The following CPLX2 variants were observed in gnomAD, a reference collection of about 807,000 sequenced individuals.
CPLX2 encodes complexin-2.
A neutral mutation model predicts 16.3 loss-of-function variants in CPLX2; 5 were observed. That is an observed-to-expected ratio of 0.31 (90% CI 0.16 to 0.64). The LOEUF (loss-of-function observed/expected upper bound fraction) is 0.64. Ranked by LOEUF, CPLX2 falls within the 30% of genes least tolerant of loss-of-function variation. The pLI is 0.79. For missense variants in CPLX2, 144 were observed against 181.4 expected (o/e 0.79, Z 1.18); for synonymous variants, 89 against 73.2 (o/e 1.22, Z -1.10).
intron 1 of CPLX2, among the ~76,000 whole-genome samples, chr5:175,799,548 A>ATTTATATATATT (rs33953622): frequency 0.22 from 26,996 of 125,250 alleles, 3,936 homozygotes; most frequent in East Asian, 0.39. Flanking sequence ...TCATATATAT[A>ATTTATATATATT]TATATATATA....
intron 2 of CPLX2, among the ~76,000 whole-genome samples, chr5:175,833,204 C>T (rs376916383): frequency 2.0e-5 from 3 of 151,366 alleles, no homozygotes; most frequent in East Asian, 3.9e-4. Flanking sequence ...AAGGATTAAT[C>T]TGCATTGCAT....
intron 2 of CPLX2, among the ~76,000 whole-genome samples, chr5:175,863,305 T>C (rs979936988): frequency 3.3e-5 from 5 of 152,200 alleles, no homozygotes; most frequent in Admixed American, 3.3e-4. Flanking sequence ...CTAGTTGCCT[T>C]GAAGCTGCAG....
intron 2 of CPLX2, among the ~76,000 whole-genome samples, chr5:175,838,416 C>T (rs992790896): frequency 2.0e-5 from 3 of 152,074 alleles, no homozygotes; most frequent in African/African-American, 4.8e-5. Flanking sequence ...TACAGGCGCC[C>T]ACCACCAAGC....
At chr5:175,800,660 C>G (rs1276519072) in intron 1 of CPLX2, among the ~76,000 whole-genome samples, 1 of 152,112 alleles carries the variant, frequency 6.6e-6, no homozygotes, top group Admixed American at 6.5e-5. Context: ...TATGTAAGAT[C>G]CCAAAGGGAC....
chr5:175,850,333 A>G (rs1401685442), intron 2 of CPLX2, among the ~76,000 whole-genome samples: 1 of 152,162 alleles, frequency 6.6e-6, no homozygotes, highest in Non-Finnish European at 1.5e-5. Context: ...GGCTGTATGG[A>G]AAACGCAAGT....
intron 2 of CPLX2, among the ~76,000 whole-genome samples, chr5:175,855,538 T>C (rs1207220156): frequency 7.2e-6 from 1 of 139,646 alleles, no homozygotes; most frequent in African/African-American, 2.7e-5. Flanking sequence ...AAGGGCTTGA[T>C]CCAGGAGCTC....
At chr5:175,837,163 AAGGTCAC>A (rs776273067) in intron 2 of CPLX2, among the ~76,000 whole-genome samples, 1 of 152,186 alleles carries the variant, frequency 6.6e-6, no homozygotes, top group Non-Finnish European at 1.5e-5. Flanking sequence ...TGACCTGGTC[AAGGTCAC>A]AGGGCTAGGA....
intron 1 of CPLX2, among the ~76,000 whole-genome samples, chr5:175,798,504 G>A (rs1310469189): frequency 3.3e-5 from 5 of 152,216 alleles, no homozygotes; most frequent in Non-Finnish European, 7.4e-5. Context: ...CAGGAGTCAC[G>A]AACTGTAAGG....
chr5:175,802,013 C>T (rs187269367), intron 1 of CPLX2, among the ~76,000 whole-genome samples: 249 of 152,320 alleles, frequency 1.6e-3, no homozygotes, highest in Middle Eastern at 3.4e-3. Flanking sequence ...AGCTCCTCCA[C>T]TGAGTTAACA....
At chr5:175,797,288 C>G (rs368465650) in intron 1 of CPLX2, among the ~76,000 whole-genome samples, 1 of 152,186 alleles carries the variant, frequency 6.6e-6, no homozygotes, top group Non-Finnish European at 1.5e-5. Context: ...GAGGTGTCAC[C>G]GGCGAGCTAG....
chr5:175,801,121 G>A (rs1301030244), intron 1 of CPLX2, among the ~76,000 whole-genome samples: 4 of 145,838 alleles, frequency 2.7e-5, no homozygotes, highest in Non-Finnish European at 4.5e-5. Flanking sequence ...TATTCTAAAT[G>A]TAATAGATAG....
chr5:175,846,739 C>T (rs2113674282), intron 2 of CPLX2, among the ~76,000 whole-genome samples: 1 of 152,268 alleles, frequency 6.6e-6, no homozygotes, highest in Middle Eastern at 3.4e-3. Context: ...CAACTCAATG[C>T]CACTCCCCCA....
At chr5:175,860,573 G>A in intron 2 of CPLX2, among the ~76,000 whole-genome samples, 1 of 115,696 alleles carries the variant, frequency 8.6e-6, no homozygotes, top group Non-Finnish European at 1.8e-5. Flanking sequence ...AAAGAAGGGA[G>A]GGAGGGAGGG....
chr5:175,869,552 A>G (rs1399710722), upstream of CPLX2, among the ~76,000 whole-genome samples: 1 of 152,160 alleles, frequency 6.6e-6, no homozygotes, highest in Non-Finnish European at 1.5e-5. Flanking sequence ...TTCCGCTACA[A>G]CAGTTATTCA....
At chr5:175,837,263 G>A (rs888149084) in intron 2 of CPLX2, among the ~76,000 whole-genome samples, 5 of 152,246 alleles carry the variant, frequency 3.3e-5, no homozygotes, top group East Asian at 1.9e-4. Flanking sequence ...CCCACGGGGC[G>A]TCTCTGCACG....
At chr5:175,816,686 A>C (rs909177449) in intron 2 of CPLX2, among the ~76,000 whole-genome samples, 1 of 152,230 alleles carries the variant, frequency 6.6e-6, no homozygotes, top group African/African-American at 2.4e-5. Context: ...AGAGGCAGCC[A>C]GGAACCAGAG....
At chr5:175,820,153 G>A (rs759951845) in intron 2 of CPLX2, among the ~76,000 whole-genome samples, 2 of 152,156 alleles carry the variant, frequency 1.3e-5, no homozygotes, top group African/African-American at 2.4e-5. Context: ...CCCACCGTGT[G>A]GCCCTGGACT....
chr5:175,880,238 C>T lies in CPLX2; in HGVS notation c.*193C>T, dbSNP rs1462752996. On this transcript the variant is annotated 3_prime_UTR_variant, in exon 4 of 4. Coordinates refer to ENST00000393745, the MANE Select transcript of CPLX2 (RefSeq NM_001008220.2). ...TCATCCCAGGGTATCCACCTGCACC[C>T]CACTCCCAAGTAGCTTGAAAAAGGG... 1.4e-6 allele frequency: 1 copy of T among 716,590 alleles called. No individual in the cohort carries two copies. Among genetic ancestry groups the T allele is most frequent in the Non-Finnish European group, 2.6e-6 (1 of 391,646 alleles). The allele number at this position is 716,590 out of a possible 1,614,324, so 44.4% of individuals were successfully genotyped here. A position where few individuals can be genotyped will look rare whatever the true frequency, so the allele number is the denominator to read the frequency against.
intron 2 of CPLX2, among the ~76,000 whole-genome samples, chr5:175,853,785 C>CGACT (rs1759201338): frequency 1.3e-5 from 2 of 152,144 alleles, no homozygotes; most frequent in African/African-American, 2.4e-5. Flanking sequence ...GGGCCTCTGA[C>CGACT]GACTGAGGGC....
Sources: gnomAD v4.1 joint callset for allele counts (sites outside exome capture counted in the v4.1 genomes callset) on GRCh38, gnomAD v4.1.1 for gene constraint, MANE v1.5 for transcripts, NCBI Gene and HGNC (gene_info 2026-07-23, HGNC 2026-07-21) for gene names.